ERMP1: variants seen among roughly 807,000 people sequenced by gnomAD.
ERMP1 encodes endoplasmic reticulum metallopeptidase 1.
In ERMP1, 86 loss-of-function variants were observed where a neutral mutation model predicts 92.0. The observed-to-expected ratio is 0.93, with a 90% CI of 0.79 to 1.12. ERMP1 has a LOEUF of 1.12. Among genes scored for constraint, ERMP1 ranks in the 50% most tolerant of loss-of-function variants. The probability of loss-of-function intolerance (pLI) is 0.00; values close to 1 mark genes in which losing one functional copy is unlikely to be tolerated. For synonymous variants in ERMP1, 530 were observed against 412.8 expected, an observed-to-expected ratio of 1.28 and a Z score of -3.44; for missense variants, 1,342 against 1,116.3, an observed-to-expected ratio of 1.20 and a Z score of -2.88.
chr9:5,818,872 A>T (rs562490298), intron 4 of ERMP1, among the ~76,000 whole-genome samples: 2 of 152,332 alleles, frequency 1.3e-5, no homozygotes, highest in African/African-American at 4.8e-5. Flanking sequence ...CATTCTCACT[A>T]ACAGTGTATG....
intron 6 of ERMP1, among the ~76,000 whole-genome samples, chr9:5,811,697 T>C (rs989450626): frequency 3.3e-5 from 5 of 152,182 alleles, no homozygotes; most frequent in African/African-American, 1.2e-4. Context: ...TAATATATAT[T>C]AACTGTACTA....
intron 4 of ERMP1, among the ~76,000 whole-genome samples, chr9:5,817,381 G>A (rs550122974): frequency 2.0e-5 from 3 of 151,824 alleles, no homozygotes; most frequent in Non-Finnish European, 4.4e-5. Flanking sequence ...GTAGAGACAG[G>A]GTTTCACAAT....
intron 5 of ERMP1, among the ~76,000 whole-genome samples, chr9:5,862,567 A>C (rs1031272428): frequency 1.3e-5 from 2 of 151,532 alleles, no homozygotes; most frequent in African/African-American, 4.9e-5. Flanking sequence ...GGCTGGTCTT[A>C]AAGTCCTGGC....
At chr9:5,821,980 G>A (rs891028044) in intron 4 of ERMP1, among the ~76,000 whole-genome samples, 3 of 152,068 alleles carry the variant, frequency 2.0e-5, no homozygotes, top group South Asian at 4.1e-4. Flanking sequence ...GAGGCCGGGC[G>A]TGGTGGCTCG....
chr9:5,801,298 T>C lies in ERMP1; in HGVS notation c.1945A>G (p.Lys649Glu), dbSNP rs769231638. 6.8e-6 allele frequency: 11 copies of C among 1,613,184 alleles called. No individual in the cohort carries two copies. The highest frequency in any genetic ancestry group is 9.3e-6 in the Non-Finnish European group (11 of 1,179,676). Reference protein sequence around the residue: ...INFIYLAKSTKKTMLTLTLVC... With the variant: ...INFIYLAKSTEKTMLTLTLVC... ...AAAGTTAAAGTTAGCATGGTTTTTT[T>C]TGTGCTCTTGGCAAGGTAGATGAAG... The change falls in exon 11 of 15, where the codon AAA becomes GAA. Residue 649 changes from lysine to glutamate, a missense_variant. Coordinates refer to ENST00000339450, the MANE Select transcript of ERMP1 (RefSeq NM_024896.3).
chr9:5,824,690 C>T (rs1307692218), intron 3 of ERMP1, among the ~76,000 whole-genome samples: 1 of 151,984 alleles, frequency 6.6e-6, no homozygotes, highest in Non-Finnish European at 1.5e-5. Context: ...CATGAGCCAG[C>T]GTGCCTGGCC....
intron 6 of ERMP1, among the ~76,000 whole-genome samples, chr9:5,841,117 G>A (rs900442095): frequency 2.6e-5 from 4 of 152,120 alleles, no homozygotes; most frequent in African/African-American, 4.8e-5. Flanking sequence ...CTTGTGAAAG[G>A]CGGTGTAAAA....
At chr9:5,796,979 A>C (rs981713132) in intron 13 of ERMP1, among the ~76,000 whole-genome samples, 4 of 152,204 alleles carry the variant, frequency 2.6e-5, no homozygotes, top group Admixed American at 1.3e-4. Flanking sequence ...GGGGGGCAGG[A>C]TATGAGAACT....
Position 5,799,000 on chromosome 9 carries a change from A to G in ERMP1, c.2076T>C (p.Thr692=). The G allele has an allele frequency of 6.2e-7, 1 of 1,612,732 alleles. No individual in the cohort carries two copies. Among genetic ancestry groups the G allele is most frequent in the Non-Finnish European group, 8.5e-7 (1 of 1,178,992 alleles). Residue 692 remains threonine, a synonymous_variant, in exon 12 of 15, where the codon ACT becomes ACC. Coordinates refer to ENST00000339450, the MANE Select transcript of ERMP1 (RefSeq NM_024896.3). ...TTCCTTCCAAGTCATGGAATGTTCT[A>G]GTCATATGCTGAAAAAAAAAGACTA... The part of the protein sequence containing the change: ...KPKRVFLQHM[T]RTFHDLEGNA...
Position 5,812,167 on chromosome 9 carries a change from C to T in ERMP1, c.1072G>A (p.Asp358Asn). 1 of 1,611,598 alleles carries T rather than the reference C, an allele frequency of 6.2e-7. No homozygotes were observed. The highest frequency in any genetic ancestry group is 8.5e-7 in the Non-Finnish European group (1 of 1,178,676). Reference sequence around the variant, plus strand: ...TCTGTTAGAATTCTGTCCGCTGTGTCATACTTGGTGTGATAAATGTATCCA... The same window carrying T: ...TCTGTTAGAATTCTGTCCGCTGTGTTATACTTGGTGTGATAAATGTATCCA... ...ENGYIYHTKY[D>N]TADRILTDSI... Residue 358 changes from aspartate to asparagine, a missense_variant, in exon 6 of 15, where the codon GAC becomes AAC. Coordinates refer to ENST00000339450, the MANE Select transcript of ERMP1 (RefSeq NM_024896.3).
At chr9:5,862,225 TC>T (rs1421658727) in intron 5 of ERMP1, among the ~76,000 whole-genome samples, 1 of 151,320 alleles carries the variant, frequency 6.6e-6, no homozygotes, top group African/African-American at 2.4e-5. Context: ...AGAGATGGGA[TC>T]CCCCTATGTT....
At chr9:5,819,473 G>C (rs531642024) in intron 4 of ERMP1, among the ~76,000 whole-genome samples, 2 of 152,264 alleles carry the variant, frequency 1.3e-5, no homozygotes, top group Admixed American at 6.5e-5. Context: ...CTTCAGCAAG[G>C]ACATCAGCCC....
In ERMP1 at chr9:5,840,658, T is replaced by C. The variant is rs191015966; in HGVS notation, n.3200-7346A>G. Among the ~76,000 whole-genome samples, 9 of 152,342 alleles carry C rather than the reference T, an allele frequency of 5.9e-5. No homozygotes were observed. The East Asian group carries it at 1.7e-3, about 29-fold the overall frequency. ...CTGCGCTGAAAGCACTCCAGTATGTTCTTCTGTAACCTGCGGTGTATCCTC... is the reference window on the plus strand; with the variant it reads ...CTGCGCTGAAAGCACTCCAGTATGTCCTTCTGTAACCTGCGGTGTATCCTC... On this transcript the variant is annotated intron_variant and non_coding_transcript_variant, in intron 6 of 6. Transcript: ENST00000690753.
rs759247426 is a variant in ERMP1, at chr9:5,787,221, C to G, written c.2638G>C (p.Asp880His). ...SGEDKRSPQLDALKEKFPDWT... is the reference protein window; with the variant it reads ...SGEDKRSPQLHALKEKFPDWT... ...TCTGGGAACTTTTCCTTCAGAGCAT[C>G]CAGTTGAGGGGATCTCTTGTCTTCC... The change falls in exon 15 of 15, where the codon GAT becomes CAT. Residue 880 changes from aspartate (D) to histidine (H), a missense_variant. Asp to His is a moderately conservative substitution (Grantham distance 81). Transcript: ENST00000339450. 1.9e-6 allele frequency: 3 copies of G among 1,614,056 alleles called. No individual in the cohort carries two copies. The highest frequency in any genetic ancestry group is 1.1e-5 in the South Asian group (1 of 91,082).
intron 11 of ERMP1, 83 bp from the exon 12 acceptor site, chr9:5,799,091 A>G: frequency 3.4e-6 from 3 of 875,538 alleles, no homozygotes; most frequent in Non-Finnish European, 3.7e-6. Context: ...GGAGTATGAC[A>G]ATACCAAGAA....
intron 6 of ERMP1, among the ~76,000 whole-genome samples, chr9:5,838,928 T>G (rs1830125137): frequency 6.6e-6 from 1 of 152,226 alleles, no homozygotes; most frequent in Non-Finnish European, 1.5e-5. Context: ...TCTATTCATT[T>G]CTCTACTTTC....
intron 6 of ERMP1, among the ~76,000 whole-genome samples, chr9:5,849,635 T>C (rs1830281813): frequency 6.6e-6 from 1 of 152,230 alleles, no homozygotes; most frequent in Admixed American, 6.5e-5. Flanking sequence ...CCAAGTGATA[T>C]CCTCACTTCA....
chr9:5,863,609 G>A (rs1016592744), intron 5 of ERMP1, among the ~76,000 whole-genome samples: 4 of 152,162 alleles, frequency 2.6e-5, no homozygotes, highest in Non-Finnish European at 5.9e-5. Flanking sequence ...ATATCAACAA[G>A]CGTTACTGTT....
Position 5,804,337 on chromosome 9 carries a change from G to C in ERMP1, c.1914+690C>G, listed in dbSNP as rs1052792352. Among the ~76,000 whole-genome samples, 23 of 152,172 alleles carry C rather than the reference G, an allele frequency of 1.5e-4. No homozygotes were observed. The South Asian group carries it at 3.7e-3, about 25-fold the overall frequency. ...TGCTTGGGGCTTACTCTGCTCAAGGGGGGTCTGGTCTTAAACTCTGCATCA... is the reference window on the plus strand; with the variant it reads ...TGCTTGGGGCTTACTCTGCTCAAGGCGGGTCTGGTCTTAAACTCTGCATCA... On this transcript the variant is annotated intron_variant, in intron 10 of 14. Transcript: ENST00000339450.
Sources: gnomAD v4.1 joint callset for allele counts (sites outside exome capture counted in the v4.1 genomes callset) on GRCh38, gnomAD v4.1.1 for gene constraint, MANE v1.5 for transcripts, NCBI Gene and HGNC (gene_info 2026-07-23, HGNC 2026-07-21) for gene names.